The following KMT2C variants were observed in gnomAD, a reference collection of about 807,000 sequenced individuals.
KMT2C encodes histone-lysine N-methyltransferase 2C.
In KMT2C, 88 loss-of-function variants were observed where a neutral mutation model predicts 507.9. That is an observed-to-expected ratio of 0.17 (90% CI 0.15 to 0.21). The LOEUF is 0.21. KMT2C is among the 10% of genes least tolerant of loss of function. The pLI is 1.00. For missense variants in KMT2C, 4,954 were observed against 5,957.8 expected (o/e 0.83, Z 5.55); for synonymous variants, 2,049 against 2,080.8 (o/e 0.98, Z 0.42).
At chr7:152,141,299 G>A (rs983118317) in intron 55 of KMT2C, among the ~76,000 whole-genome samples, 2 of 152,098 alleles carry the variant, frequency 1.3e-5, no homozygotes, top group African/African-American at 4.8e-5. Context: ...ACTCCAGTCT[G>A]GGTGACAGAG....
intron 1 of KMT2C, among the ~76,000 whole-genome samples, chr7:152,433,943 G>T (rs2097890435): frequency 6.6e-6 from 1 of 152,252 alleles, no homozygotes; most frequent in Non-Finnish European, 1.5e-5. Context: ...TCTTTCTGGA[G>T]TAAGAATTCA....
intron 1 of KMT2C, among the ~76,000 whole-genome samples, chr7:152,365,830 G>T (rs1466955315): frequency 6.6e-6 from 1 of 152,124 alleles, no homozygotes; most frequent in African/African-American, 2.4e-5. Context: ...GTCTAAAATA[G>T]ATTCTATTAG....
At chr7:152,323,171 C>G (rs1187020039) in intron 3 of KMT2C, among the ~76,000 whole-genome samples, 1 of 151,942 alleles carries the variant, frequency 6.6e-6, no homozygotes, top group African/African-American at 2.4e-5. Context: ...AATCACACTT[C>G]TGGGTATATA....
chr7:152,250,713 T>C (rs1588591511), intron 12 of KMT2C, 140 bp downstream of exon 12: 1 of 549,888 alleles, frequency 1.8e-6, no homozygotes, highest in Non-Finnish European at 3.2e-6. Context: ...TCCTATTAAT[T>C]TGTCTAAGAT....
At chr7:152,374,130 T>C (rs1317041623) in intron 1 of KMT2C, among the ~76,000 whole-genome samples, 1 of 149,244 alleles carries the variant, frequency 6.7e-6, no homozygotes, top group East Asian at 2.0e-4. Flanking sequence ...CTGACCAATA[T>C]GGTGAAACCC....
At chr7:152,209,557 C>G (rs1312060350) in intron 23 of KMT2C, among the ~76,000 whole-genome samples, 8 of 150,348 alleles carry the variant, frequency 5.3e-5, no homozygotes, top group Admixed American at 2.6e-4. Context: ...AAAAAACACA[C>G]TGAAATAATC....
At position 152,138,468 on chromosome 7, in the gene KMT2C, C is replaced by T; in HGVS notation, c.14643+328G>A. On this transcript the variant is annotated intron_variant, in intron 58 of 58. Coordinates refer to ENST00000262189, the MANE Select transcript of KMT2C (RefSeq NM_170606.3). This position sits in a 1 kb window ranked among gnomAD's most constrained non-coding sequence, Gnocchi z 4.2. ...GGGATGCTCTTCAGAGGGGACACTG[C>T]CAAACTGTGTCCAGGTTAAGGGGAT... 4.9e-6 allele frequency: 1 copy of T among 206,060 alleles called. No homozygotes were observed. Among genetic ancestry groups the T allele is most frequent in the Admixed American group, 5.2e-5 (1 of 19,074 alleles). 12.8% of individuals were successfully genotyped at this position (206,060 alleles called of 1,614,324 possible).
intron 1 of KMT2C, among the ~76,000 whole-genome samples, chr7:152,380,625 C>T (rs34538318): frequency 0.048 from 7,242 of 151,724 alleles, 201 homozygotes; most frequent in African/African-American, 0.1. Flanking sequence ...GTATTCCCAG[C>T]TACTTGGGAG....
chr7:152,207,053 T>C (rs1428139999), intron 24 of KMT2C, among the ~76,000 whole-genome samples: 2 of 152,146 alleles, frequency 1.3e-5, no homozygotes, highest in African/African-American at 4.8e-5. Flanking sequence ...TTTAATAAAA[T>C]GGTTAACATT....
Position 152,178,018 on chromosome 7 carries a change from A to T in KMT2C, c.7443-8T>A, listed in dbSNP as rs749396012. 279 of 902,654 alleles carry T rather than the reference A, an allele frequency of 3.1e-4. 1 individual carries two copies. The African/African-American group carries it at 3.3e-3, about 11-fold the overall frequency. The allele number at this position is 902,654 out of a possible 1,614,324, so 55.9% of individuals were successfully genotyped here. On this transcript the variant is annotated splice_polypyrimidine_tract_variant and splice_region_variant and intron_variant, in intron 37 of 58. Transcript: ENST00000262189. ...CCTCCTGGAAATCCAAATCTTTTAAAAAAAAAAAAAAAAAAAAAAAAAAAG... is the reference window on the plus strand; with the variant it reads ...CCTCCTGGAAATCCAAATCTTTTAATAAAAAAAAAAAAAAAAAAAAAAAAG...
chr7:152,297,091 G>A lies in KMT2C; in HGVS notation c.849+12875C>T, dbSNP rs4726146. On this transcript the variant is annotated intron_variant, in intron 6 of 58. Coordinates refer to ENST00000262189, the MANE Select transcript of KMT2C (RefSeq NM_170606.3). ...AGAGAGAGAGAGAGAGAGAGAGAGA[G>A]AGAAAGAAAGAAAGACGTGAATATA... Among the ~76,000 whole-genome samples, 204 of 147,338 alleles carry A rather than the reference G, an allele frequency of 1.4e-3. 2 individuals carry two copies. The highest frequency in any genetic ancestry group is 6.9e-3 in the Middle Eastern group (2 of 288).
chr7:152,296,559 C>T (rs968209264), intron 6 of KMT2C, among the ~76,000 whole-genome samples: 3 of 151,788 alleles, frequency 2.0e-5, no homozygotes, highest in African/African-American at 7.3e-5. Context: ...CCTCTGAATG[C>T]TATCCTGAGA....
At chr7:152,413,166 G>C (rs532015072) in intron 1 of KMT2C, among the ~76,000 whole-genome samples, 1 of 152,260 alleles carries the variant, frequency 6.6e-6, no homozygotes, top group African/African-American at 2.4e-5. Context: ...CCAGGCTGGA[G>C]TGCAGTGGTG....
At chr7:152,198,983 A>G (rs184413905) in intron 27 of KMT2C, among the ~76,000 whole-genome samples, 41 of 152,284 alleles carry the variant, frequency 2.7e-4, no homozygotes, top group African/African-American at 9.9e-4. Context: ...TTTTAGTCAA[A>G]AAGTCACTGT....
At chr7:152,272,690 C>T (rs2095999929) in intron 7 of KMT2C, among the ~76,000 whole-genome samples, 1 of 152,082 alleles carries the variant, frequency 6.6e-6, no homozygotes, top group Non-Finnish European at 1.5e-5. Flanking sequence ...ATAATTTGTA[C>T]ACTAGGTTAC....
chr7:152,341,805 A>G (rs1253217323), intron 2 of KMT2C, among the ~76,000 whole-genome samples: 2 of 152,246 alleles, frequency 1.3e-5, no homozygotes, highest in Non-Finnish European at 2.9e-5. Flanking sequence ...AATTAATGTA[A>G]TAAGAATCCA....
chr7:152,249,681 A>AAAAAAAAAAC, intron 13 of KMT2C, among the ~76,000 whole-genome samples, 195 bp downstream of exon 13: 1 of 139,626 alleles, frequency 7.2e-6, no homozygotes, highest in East Asian at 2.0e-4. Context: ...TCCAAAAAAA[A>AAAAAAAAAAC]AAAAAAAAAA....
At position 152,167,288 on chromosome 7, in the gene KMT2C, C is replaced by T. The variant is rs1357317003; in HGVS notation, c.9608G>A (p.Gly3203Asp). 6.2e-7 allele frequency: 1 copy of T among 1,613,916 alleles called. No homozygotes were observed. Among genetic ancestry groups the T allele is most frequent in the Admixed American group, 1.7e-5 (1 of 59,994 alleles). The change falls in exon 42 of 59, where the codon GGT becomes GAT. Residue 3203 changes from glycine to aspartate, a missense_variant. Coordinates refer to ENST00000262189, the MANE Select transcript of KMT2C (RefSeq NM_170606.3). ...GGCCTTCTTAGATTTTCTGTGAGCA[C>T]CAATTTGTTCTTCAAGATACTTCTG... The part of the protein sequence containing the change: ...MQQKYLEEQI[G>D]AHRKSKKALS...
intron 6 of KMT2C, among the ~76,000 whole-genome samples, chr7:152,309,038 C>T (rs1010752395): frequency 1.3e-5 from 2 of 151,858 alleles, no homozygotes; most frequent in African/African-American, 4.8e-5. Flanking sequence ...AACTGCTGAC[C>T]GAACTAAAAA....
Sources: gnomAD v4.1 joint callset for allele counts (sites outside exome capture counted in the v4.1 genomes callset) on GRCh38, gnomAD v4.1.1 for gene constraint, Gnocchi (gnomAD v3.1) non-coding constraint, MANE v1.5 for transcripts, NCBI Gene and HGNC (gene_info 2026-07-23, HGNC 2026-07-21) for gene names.